Variants in SGK3 observed in about 807,000 individuals in gnomAD.
SGK3 encodes serum/glucocorticoid regulated kinase family member 3.
In SGK3, 47 loss-of-function variants were observed where a neutral mutation model predicts 68.5. The observed-to-expected ratio is 0.69, with a 90% CI of 0.54 to 0.87. The LOEUF is 0.87. Among genes scored for constraint, SGK3 ranks in the 40% least tolerant of loss-of-function variants. The pLI is 0.00. For missense variants in SGK3, 479 were observed against 575.5 expected (o/e 0.83, Z 1.72); for synonymous variants, 181 against 189.1 (o/e 0.96, Z 0.35).
At chr8:66,843,791 C>T (rs895251015) in intron 14 of SGK3, among the ~76,000 whole-genome samples, 2 of 152,054 alleles carry the variant, frequency 1.3e-5, no homozygotes, top group East Asian at 1.9e-4. Flanking sequence ...GCCAGGAGTT[C>T]GAGACCAGCC....
At chr8:66,770,648 C>T (rs562812463) in intron 1 of SGK3, among the ~76,000 whole-genome samples, 1 of 152,326 alleles carries the variant, frequency 6.6e-6, no homozygotes, top group East Asian at 1.9e-4. Context: ...TCCTGGCCCT[C>T]TGTGAGTTGC....
intron 3 of SGK3, among the ~76,000 whole-genome samples, chr8:66,802,353 C>A (rs919533542): frequency 6.6e-6 from 1 of 152,046 alleles, no homozygotes; most frequent in African/African-American, 2.4e-5. Flanking sequence ...TTCAATGTGT[C>A]CTTTATGACT....
chr8:66,859,377 TA>T, intron 16 of SGK3, 33 bp from the exon 17 acceptor site: 1 of 1,513,228 alleles, frequency 6.6e-7, no homozygotes, highest in Non-Finnish European at 8.9e-7. Context: ...AAAGAAAAGC[TA>T]AGGTGAATAA....
chr8:66,859,375 G>A lies in SGK3; in HGVS notation c.1321-36G>A. On this transcript the variant is annotated intron_variant, in intron 16 of 16. Coordinates refer to ENST00000521198, the MANE Select transcript of SGK3 (RefSeq NM_001033578.3). ...AAAGGATTAAATTAATGAAAGAAAA[G>A]CTAAGGTGAATAATACTGTGCTTTT... 6 of 1,512,918 alleles carry A rather than the reference G, an allele frequency of 4.0e-6. No individual in the cohort carries two copies. In the South Asian group the frequency reaches 6.9e-5, roughly 17 times the overall value. The allele number at this position is 1,512,918 out of a possible 1,614,324, so 93.7% of individuals were successfully genotyped here.
chr8:66,831,121 G>A, intron 7 of SGK3, 133 bp from the exon 8 acceptor site: 5 of 968,282 alleles, frequency 5.2e-6, no homozygotes, highest in Non-Finnish European at 7.8e-6. Flanking sequence ...TACTCAGCAG[G>A]AAAGCTAGAG....
At chr8:66,728,664 A>G (rs1293142837) in intron 1 of SGK3, among the ~76,000 whole-genome samples, 1 of 152,050 alleles carries the variant, frequency 6.6e-6, no homozygotes, top group Non-Finnish European at 1.5e-5. Context: ...TGCTGTTGGG[A>G]TGCCAAGGTG....
intron 1 of SGK3, among the ~76,000 whole-genome samples, chr8:66,736,486 C>A (rs1254144535): frequency 6.6e-6 from 1 of 152,064 alleles, no homozygotes; most frequent in Non-Finnish European, 1.5e-5. Flanking sequence ...GAGACAAGGT[C>A]TTGCTCTGTT....
At chr8:66,786,903 G>A (rs1807221882) in intron 1 of SGK3, among the ~76,000 whole-genome samples, 1 of 131,452 alleles carries the variant, frequency 7.6e-6, no homozygotes, top group Non-Finnish European at 1.6e-5. Context: ...GGTAAGTTCT[G>A]TGAGGGTAGG....
intron 15 of SGK3, among the ~76,000 whole-genome samples, chr8:66,850,190 T>C (rs1436942049): frequency 6.6e-6 from 1 of 152,220 alleles, no homozygotes; most frequent in Non-Finnish European, 1.5e-5. Context: ...TTTGTCTGGC[T>C]TAATTCTTAC....
intron 1 of SGK3, among the ~76,000 whole-genome samples, chr8:66,763,097 A>C (rs1435512617): frequency 6.6e-6 from 1 of 152,192 alleles, no homozygotes; most frequent in Non-Finnish European, 1.5e-5. Context: ...CATTACCTGG[A>C]ATTCTTCTGT....
At chr8:66,813,956 G>A (rs1473345467) in intron 5 of SGK3, 28 bp downstream of exon 5, 1 of 1,537,122 alleles carries the variant, frequency 6.5e-7, no homozygotes, top group South Asian at 1.3e-5. Flanking sequence ...CGTTCTAAAG[G>A]GACATTAAAA....
At chr8:66,755,143 C>G (rs904784518) in intron 1 of SGK3, among the ~76,000 whole-genome samples, 4 of 151,750 alleles carry the variant, frequency 2.6e-5, no homozygotes, top group African/African-American at 9.7e-5. Context: ...CCTATAATCC[C>G]AGCTGCTGGG....
Position 66,834,286 on chromosome 8 carries a change from TGAAAGAATTGAGACA to T in SGK3, c.526-1474_526-1460del, listed in dbSNP as rs560097720. Among the ~76,000 whole-genome samples, 39 of 152,178 alleles carry T rather than the reference TGAAAGAATTGAGACA, an allele frequency of 2.6e-4. 1 individual carries two copies. The South Asian group carries it at 7.5e-3, about 29-fold the overall frequency. ...AATGAATATTTCATATAATTTAGAG[TGAAAGAATTGAGACA>T]GACAGCTTTATCCATGTGATTCTAA... On this transcript the variant is annotated intron_variant, in intron 8 of 16. Coordinates refer to ENST00000521198, the MANE Select transcript of SGK3 (RefSeq NM_001033578.3).
chr8:66,838,910 G>A (rs1809652759), intron 10 of SGK3, among the ~76,000 whole-genome samples: 1 of 152,066 alleles, frequency 6.6e-6, no homozygotes, highest in South Asian at 2.1e-4. Context: ...TTAGAGCAAA[G>A]TAGAATAAAA....
chr8:66,852,017 G>T (rs1456297775), intron 16 of SGK3, among the ~76,000 whole-genome samples: 2 of 152,082 alleles, frequency 1.3e-5, no homozygotes, highest in Admixed American at 6.6e-5. Context: ...CGTGATTCCA[G>T]AGTCATTATT....
At chr8:66,769,246 CAG>C (rs1353763859) in intron 1 of SGK3, among the ~76,000 whole-genome samples, 14 of 151,672 alleles carry the variant, frequency 9.2e-5, no homozygotes, top group Admixed American at 5.9e-4. Context: ...TTTTTTGAAA[CAG>C]AGTCTCACTC....
chr8:66,778,870 G>A (rs1366553224), intron 1 of SGK3, among the ~76,000 whole-genome samples: 2 of 152,172 alleles, frequency 1.3e-5, no homozygotes, highest in Non-Finnish European at 2.9e-5. Flanking sequence ...AAACCATCAG[G>A]AGAAGACAAC....
At chr8:66,760,971 C>T (rs1055585559) in intron 1 of SGK3, among the ~76,000 whole-genome samples, 4 of 150,080 alleles carry the variant, frequency 2.7e-5, no homozygotes, top group African/African-American at 9.8e-5. Flanking sequence ...GAGCCAAGAT[C>T]TCACCATTGC....
chr8:66,784,508 A>G (rs941556305), intron 1 of SGK3, among the ~76,000 whole-genome samples: 1 of 152,288 alleles, frequency 6.6e-6, no homozygotes, highest in Non-Finnish European at 1.5e-5. Context: ...AACAATCTTT[A>G]TGATGGGTTA....
Sources: gnomAD v4.1 joint callset for allele counts (sites outside exome capture counted in the v4.1 genomes callset) on GRCh38, gnomAD v4.1.1 for gene constraint, MANE v1.5 for transcripts, NCBI Gene and HGNC (gene_info 2026-07-23, HGNC 2026-07-21) for gene names.